The following ARSG variants were observed in gnomAD, a reference collection of about 807,000 sequenced individuals.
ARSG encodes arylsulfatase G.
Under a neutral mutation model 50.5 loss-of-function variants are expected in ARSG, and 37 were observed. That is an observed-to-expected ratio of 0.73 (90% CI 0.56 to 0.96). ARSG has a LOEUF of 0.96. Among genes scored for constraint, ARSG ranks in the 50% least tolerant of loss-of-function variants. The pLI, the probability that ARSG is intolerant of heterozygous loss-of-function variation, is 0.00. For missense variants in ARSG, 629 were observed against 675.3 expected, an observed-to-expected ratio of 0.93 and a Z score of 0.76; for synonymous variants, 225 against 254.6, an observed-to-expected ratio of 0.88 and a Z score of 1.11.
chr17:68,312,818 C>T (rs947251256), intron 2 of ARSG, among the ~76,000 whole-genome samples: 2 of 152,124 alleles, frequency 1.3e-5, no homozygotes, highest in Admixed American at 6.5e-5. Context: ...CTTTCAGACA[C>T]GAACTCTTAT....
At chr17:68,346,335 A>T (rs1181255543) in intron 3 of ARSG, among the ~76,000 whole-genome samples, 4 of 152,150 alleles carry the variant, frequency 2.6e-5, no homozygotes, top group African/African-American at 9.7e-5. Context: ...ATAGATCGAT[A>T]GTTCCTTATT....
At chr17:68,274,275 G>T (rs1042503379) in intron 1 of ARSG, 53 of 445,694 alleles carry the variant, frequency 1.2e-4, no homozygotes, top group Non-Finnish European at 1.9e-4. Flanking sequence ...AGACTAGCCC[G>T]GGCAACATGG....
chr17:68,401,110 A>G, intron 10 of ARSG: 1 of 475,014 alleles, frequency 2.1e-6, no homozygotes, highest in South Asian at 2.5e-5. Flanking sequence ...TGCAGCGTTG[A>G]CCTCCCAGGC....
chr17:68,426,244 GGGAGC>G, downstream of ARSG: 38 of 985,688 alleles, frequency 3.9e-5, no homozygotes, highest in Middle Eastern at 3.4e-4. Flanking sequence ...CTGGCGGGTG[GGGAGC>G]GGGGGCTCAA....
chr17:68,444,020 G>A, the ARSG span, among the ~76,000 whole-genome samples: 19 of 152,110 alleles, frequency 1.2e-4, no homozygotes, highest in Non-Finnish European at 2.2e-4. Context: ...CTAGCATATC[G>A]TCGAAGTAGA....
At chr17:68,359,530 T>G (rs2079187058) in intron 6 of ARSG, 1 of 152,202 alleles carries the variant, frequency 6.6e-6, no homozygotes, top group African/African-American at 2.4e-5. Context: ...AGAAACTTGG[T>G]GTTTTCTACA....
rs1233006364 is a variant in ARSG at position 68,378,286 on chromosome 17, G to A, written c.983-6778G>A. ...CAACGGAGTAGGACAAACAGTACCC[G>A]GAGTCGTGCAACTTTCTCCCTGAAG... On this transcript the variant is annotated intron_variant, in intron 8 of 11. Transcript: ENST00000621439. This position sits in a 1 kb window ranked among gnomAD's most constrained non-coding sequence, Gnocchi z 4.4. Among the ~76,000 whole-genome samples, 2 of 152,218 alleles carry A rather than the reference G, an allele frequency of 1.3e-5. No homozygotes were observed. The highest frequency in any genetic ancestry group is 1.9e-4 in the East Asian group (1 of 5,198).
intron 2 of ARSG, among the ~76,000 whole-genome samples, chr17:68,330,281 T>C (rs1273332809): frequency 6.7e-6 from 1 of 148,936 alleles, no homozygotes; most frequent in East Asian, 2.0e-4. Context: ...GGAGGGGGAA[T>C]TGGAGACAGG....
chr17:68,423,653 G>A (rs1280599091), downstream of ARSG, among the ~76,000 whole-genome samples: 1 of 152,140 alleles, frequency 6.6e-6, no homozygotes, highest in Non-Finnish European at 1.5e-5. The surrounding 1 kb of genome is among the most constrained non-coding windows in gnomAD (Gnocchi z 4.4). Context: ...ACTGGCTCAT[G>A]CCCAGCTTCC....
chr17:68,435,185 C>T, the ARSG span, among the ~76,000 whole-genome samples: 6 of 145,738 alleles, frequency 4.1e-5, no homozygotes, highest in East Asian at 6.0e-4. Context: ...CCAGCCTGGG[C>T]GACAGAGCTA....
intron 1 of ARSG, among the ~76,000 whole-genome samples, chr17:68,265,152 C>T (rs2075132161): frequency 7.4e-6 from 1 of 135,430 alleles, no homozygotes; most frequent in African/African-American, 2.8e-5. Context: ...GAAACTCCAT[C>T]TCAGAAAAAA....
At chr17:68,407,734 A>T (rs1232960282) in intron 11 of ARSG, among the ~76,000 whole-genome samples, 1 of 152,028 alleles carries the variant, frequency 6.6e-6, no homozygotes, top group African/African-American at 2.4e-5. Flanking sequence ...GAATTCTGTT[A>T]TCAGTTCTAG....
At chr17:68,286,642 T>C (rs1457517698), upstream of ARSG, among the ~76,000 whole-genome samples, 4 of 152,024 alleles carry the variant, frequency 2.6e-5, no homozygotes, top group Admixed American at 1.3e-4. Context: ...GTAGCTGGGA[T>C]TACAGGCACC....
the ARSG span, among the ~76,000 whole-genome samples, chr17:68,439,673 T>C: frequency 2.6e-5 from 4 of 152,266 alleles, no homozygotes; most frequent in African/African-American, 9.6e-5. Context: ...AAGGCATGTT[T>C]CAGGAATATT....
intron 6 of ARSG, among the ~76,000 whole-genome samples, chr17:68,360,524 G>A (rs923378909): frequency 4.6e-5 from 7 of 152,334 alleles, no homozygotes; most frequent in Non-Finnish European, 5.9e-5. Context: ...CAAGACCCTC[G>A]ACGTAGTACT....
downstream of ARSG, among the ~76,000 whole-genome samples, chr17:68,424,901 AC>A (rs2083057991): frequency 1.3e-5 from 2 of 152,294 alleles, no homozygotes; most frequent in South Asian, 4.1e-4. Context: ...ACAAATCAGT[AC>A]TTCCATCTCG....
chr17:68,346,858 G>A (rs1014677071), intron 3 of ARSG: 2 of 1,406,784 alleles, frequency 1.4e-6, no homozygotes, highest in African/African-American at 2.9e-5. Flanking sequence ...AGAGGCTCAG[G>A]CTTCTCCGGG....
chr17:68,269,564 G>GTCCTAGCA (rs1230755906), intron 1 of ARSG, among the ~76,000 whole-genome samples: 3 of 144,794 alleles, frequency 2.1e-5, no homozygotes, highest in Admixed American at 7.1e-5. Flanking sequence ...GGCTAAGCCT[G>GTCCTAGCA]TCCTAGCAGA....
chr17:68,404,209 T>G (rs1372642230), intron 11 of ARSG, among the ~76,000 whole-genome samples: 1 of 152,208 alleles, frequency 6.6e-6, no homozygotes, highest in Non-Finnish European at 1.5e-5. Flanking sequence ...TTTATAATCC[T>G]TTGGGTGTAT....
Sources: gnomAD v4.1 joint callset for allele counts (sites outside exome capture counted in the v4.1 genomes callset) on GRCh38, gnomAD v4.1.1 for gene constraint, Gnocchi (gnomAD v3.1) non-coding constraint, MANE v1.5 for transcripts, NCBI Gene and HGNC (gene_info 2026-07-23, HGNC 2026-07-21) for gene names.